MEAF6: variants seen among roughly 807,000 people sequenced by gnomAD.
MEAF6 encodes the protein MYST/Esa1 associated factor 6.
MEAF6 carries 15 observed loss-of-function variants against 28.9 expected under a neutral mutation model. That is an observed-to-expected ratio of 0.52 (90% CI 0.35 to 0.80). The LOEUF is 0.80. Ranked by LOEUF, MEAF6 falls within the 30% of genes least tolerant of loss-of-function variation. The pLI is 0.01. For synonymous variants in MEAF6, 97 were observed against 88.7 expected (o/e 1.09, Z -0.53); for missense variants, 178 against 237.5 (o/e 0.75, Z 1.65).
intron 5 of MEAF6, among the ~76,000 whole-genome samples, chr1:37,497,576 G>T (rs991631936): frequency 1.3e-5 from 2 of 149,836 alleles, no homozygotes; most frequent in African/African-American, 4.9e-5. Context: ...TGCAGCACCC[G>T]TATTTATTTA....
intron 5 of MEAF6, among the ~76,000 whole-genome samples, chr1:37,496,319 A>T (rs1175775974): frequency 6.6e-6 from 1 of 152,246 alleles, no homozygotes; most frequent in Non-Finnish European, 1.5e-5. Flanking sequence ...AGAGACTAGG[A>T]GTTTGTATTT....
At position 37,501,934 on chromosome 1, in the gene MEAF6, G is replaced by C. The variant is rs1311621573; in HGVS notation, c.403C>G (p.Pro135Ala). Residue 135 changes from proline (P) to alanine (A), a missense_variant, in exon 5 of 7, where the codon CCC becomes GCC. Physicochemically the swap from Pro to Ala is conservative, Grantham distance 27 (BLOSUM62 -1). Transcript: ENST00000296214. ...SPDFHNQENE[P>A]SQEDPEDLDG... ...AGATCCTCAGGGTCCTCCTGGCTGG[G>C]CTCATTTTCCTGATTGTGGAAGTCT... is the stretch of plus-strand genomic sequence containing the variant. 6 of 1,610,854 alleles carry C rather than the reference G, an allele frequency of 3.7e-6. No individual in the cohort carries two copies. Among genetic ancestry groups the C allele is most frequent in the African/African-American group, 1.3e-5 (1 of 74,980 alleles).
chr1:37,495,716 A>AAAAAAAAAAAC (rs1557603988), intron 6 of MEAF6, among the ~76,000 whole-genome samples, 169 bp downstream of exon 6: 14 of 129,776 alleles, frequency 1.1e-4, no homozygotes, highest in East Asian at 8.5e-4. Context: ...AAAAAAAAAA[A>AAAAAAAAAAAC]AAACAAAAAA....
At chr1:37,503,720 T>C (rs1195103855) in intron 4 of MEAF6, among the ~76,000 whole-genome samples, 1 of 150,524 alleles carries the variant, frequency 6.6e-6, no homozygotes, top group Non-Finnish European at 1.5e-5. Flanking sequence ...TCCCAGCACT[T>C]TGGGAGGCCG....
intron 5 of MEAF6, among the ~76,000 whole-genome samples, chr1:37,499,363 A>G (rs1642223126): frequency 1.3e-5 from 2 of 152,202 alleles, no homozygotes; most frequent in Admixed American, 1.3e-4. Context: ...TACTGGGTAC[A>G]AACTTAACAA....
At position 37,493,886 on chromosome 1, in the gene MEAF6, G is replaced by C. The variant is rs1359590557; in HGVS notation, c.*213C>G. The stretch of plus-strand genomic sequence containing the variant: ...ATTGTCTTCATCTTCCTGCAGTTCT[G>C]TTACTAAAAATGACATAAAGTAAGA... On this transcript the variant is annotated 3_prime_UTR_variant, in exon 7 of 7. Transcript: ENST00000296214. 22 of 1,570,484 alleles carry C rather than the reference G, an allele frequency of 1.4e-5. No individual in the cohort carries two copies. Among genetic ancestry groups the C allele is most frequent in the Admixed American group, 1.0e-4 (5 of 48,912 alleles).
intron 5 of MEAF6, among the ~76,000 whole-genome samples, chr1:37,498,353 C>CT (rs1642186337): frequency 1.3e-5 from 2 of 151,668 alleles, no homozygotes; most frequent in African/African-American, 4.8e-5. Flanking sequence ...ACTTTACAGA[C>CT]TATCTAAAGT....
chr1:37,502,923 T>C (rs1642362972), intron 4 of MEAF6, among the ~76,000 whole-genome samples: 1 of 146,428 alleles, frequency 6.8e-6, no homozygotes, highest in Non-Finnish European at 1.5e-5. Context: ...CCCAGCCTGG[T>C]AAGTTTTATT....
rs570040368 is a variant in MEAF6, at chr1:37,509,823, C to T, written c.207-281G>A. ...ACGGAGTCTTGCTCTGTCGCCTACG[C>T]TGGAGTGCAATGGCAGAATCTCAGC... On this transcript the variant is annotated intron_variant, in intron 2 of 6. Transcript: ENST00000296214. Among the ~76,000 whole-genome samples the T allele has an allele frequency of 7.9e-5, 12 of 152,312 alleles. No individual in the cohort carries two copies. In the South Asian group the frequency reaches 2.3e-3, roughly 29 times the overall value.
intron 4 of MEAF6, among the ~76,000 whole-genome samples, chr1:37,504,060 A>C (rs1296762073): frequency 6.6e-6 from 1 of 152,200 alleles, no homozygotes; most frequent in East Asian, 1.9e-4. Flanking sequence ...AGCTGGTGGG[A>C]GGTGACTGGA....
rs751096188 is a variant in MEAF6, at chr1:37,493,312, T to C, written c.*787A>G. 2 of 155,910 alleles carry C rather than the reference T, an allele frequency of 1.3e-5. No individual in the cohort carries two copies. The highest frequency in any genetic ancestry group is 2.8e-5 in the Non-Finnish European group (2 of 70,638). The allele number at this position is 155,910 out of a possible 1,614,324, so 9.7% of individuals were successfully genotyped here. On this transcript the variant is annotated 3_prime_UTR_variant, in exon 7 of 7. Coordinates refer to ENST00000296214, the MANE Select transcript of MEAF6 (RefSeq NM_001270875.3). ...GGGTTTAAAAGTAAAGCATGAGAAT[T>C]TGAAGCCTGTGAAATTTTATTTATA...
chr1:37,494,515 CAAAAAA>C (rs35851858), intron 6 of MEAF6, among the ~76,000 whole-genome samples: 3 of 82,250 alleles, frequency 3.6e-5, no homozygotes, highest in East Asian at 3.8e-4. Context: ...AACTCTGTTT[CAAAAAA>C]AAAAAAAAAA....
chr1:37,512,746 G>C (rs1023071559), intron 2 of MEAF6, among the ~76,000 whole-genome samples: 1 of 152,126 alleles, frequency 6.6e-6, no homozygotes, highest in Non-Finnish European at 1.5e-5. Flanking sequence ...TTTTTAATTA[G>C]TCAGGTACAG....
Position 37,491,612 on chromosome 1 carries a change from T to C in MEAF6, c.*2487A>G, listed in dbSNP as rs2148054582. Among the ~76,000 whole-genome samples the C allele has an allele frequency of 6.6e-6, 1 of 152,216 alleles. No homozygotes were observed. The highest frequency in any genetic ancestry group is 1.9e-4 in the East Asian group (1 of 5,170). ...TACTAGTAAGGCTGAAGCAGGAAGA[T>C]GGCTTGACCCCAGAAGTTCGAGGCT... On this transcript the variant is annotated 3_prime_UTR_variant, in exon 7 of 7. Coordinates refer to ENST00000296214, the MANE Select transcript of MEAF6 (RefSeq NM_001270875.3).
chr1:37,509,990 T>A (rs575246236), intron 2 of MEAF6, among the ~76,000 whole-genome samples: 103 of 152,140 alleles, frequency 6.8e-4, no homozygotes, highest in African/African-American at 2.4e-3. Flanking sequence ...TTGGTCAGGC[T>A]GGTCTTGAAC....
chr1:37,494,625 G>A (rs1438293819), intron 6 of MEAF6, among the ~76,000 whole-genome samples: 1 of 151,896 alleles, frequency 6.6e-6, no homozygotes, highest in East Asian at 1.9e-4. Context: ...GAGGTCAGGA[G>A]CTCGAGACCA....
Position 37,491,736 on chromosome 1 carries a change from TAA to T in MEAF6, c.*2361_*2362del, listed in dbSNP as rs1156502677. 1.3e-5 allele frequency among the ~76,000 whole-genome samples: 2 copies of T among 148,744 alleles called. No individual in the cohort carries two copies. Among genetic ancestry groups the T allele is most frequent in the Admixed American group, 6.7e-5 (1 of 14,904 alleles). On this transcript the variant is annotated 3_prime_UTR_variant, in exon 7 of 7. Coordinates refer to ENST00000296214, the MANE Select transcript of MEAF6 (RefSeq NM_001270875.3). ...TAAATAAATAAATAAATAAAATATA[TAA>T]ATACTTAAATAATCTTTTTAAGAGC...
In MEAF6 at chr1:37,492,164, G is replaced by T. The variant is rs567591235; in HGVS notation, c.*1935C>A. Among the ~76,000 whole-genome samples, 52 of 152,160 alleles carry T rather than the reference G, an allele frequency of 3.4e-4. No individual in the cohort carries two copies. The East Asian group carries it at 8.7e-3, about 25-fold the overall frequency. On this transcript the variant is annotated 3_prime_UTR_variant, in exon 7 of 7. Coordinates refer to ENST00000296214, the MANE Select transcript of MEAF6 (RefSeq NM_001270875.3). ...CTGCCTCAGCCTCCCGAGTAGCTGG[G>T]ACTACCGGCACCCGCCACCACGCTC... is the stretch of plus-strand genomic sequence containing the variant.
At chr1:37,495,774 A>C (rs1642114070) in intron 6 of MEAF6, 111 bp downstream of exon 6, 1 of 1,015,910 alleles carries the variant, frequency 9.8e-7, no homozygotes. Flanking sequence ...CAGACTTTAA[A>C]TCAAGAGTTA....
Sources: allele counts gnomAD v4.1 joint callset (sites outside exome capture counted in the v4.1 genomes callset), GRCh38; gene constraint gnomAD v4.1.1; transcripts MANE v1.5; gene names NCBI Gene and HGNC (gene_info 2026-07-23, HGNC 2026-07-21).